Variants in DOK6 observed in about 807,000 individuals in gnomAD.
The protein encoded by DOK6 is downstream of tyrosine kinase 6.
In DOK6, 22 loss-of-function variants were observed where a neutral mutation model predicts 44.0. The observed-to-expected ratio is 0.50, with a 90% CI of 0.36 to 0.71. The LOEUF (loss-of-function observed/expected upper bound fraction) is 0.71, where lower values mean the gene tolerates loss of function less well. Ranked by LOEUF, DOK6 falls within the 30% of genes least tolerant of loss-of-function variation. DOK6 has a pLI of 0.00. For synonymous variants in DOK6, 166 were observed against 145.5 expected, an observed-to-expected ratio of 1.14 and a Z score of -1.01; for missense variants, 340 against 416.4, an observed-to-expected ratio of 0.82 and a Z score of 1.60.
intron 2 of DOK6, among the ~76,000 whole-genome samples, chr18:69,593,635 G>C (rs12327210): frequency 0.011 from 1,652 of 152,116 alleles, 18 homozygotes; most frequent in African/African-American, 0.038. Flanking sequence ...ATATCCTAAG[G>C]CTCTGAAATT....
intron 1 of DOK6, among the ~76,000 whole-genome samples, chr18:69,458,354 G>C (rs1038597293): frequency 6.6e-6 from 1 of 152,144 alleles, no homozygotes; most frequent in Admixed American, 6.5e-5. Context: ...ATCCTTTCAT[G>C]ATAATAGTCC....
Position 69,509,495 on chromosome 18 carries a change from G to A in DOK6, c.67-54992G>A, listed in dbSNP as rs567283317. On this transcript the variant is annotated intron_variant, in intron 1 of 7. Coordinates refer to ENST00000382713, the MANE Select transcript of DOK6 (RefSeq NM_152721.6). ...TACTAAAAAATAGAAAAAATTAGCC[G>A]GGCGTGGTGGCGGGCGCCTTTAGTC... Among the ~76,000 whole-genome samples, 163 of 151,958 alleles carry A rather than the reference G, an allele frequency of 1.1e-3. 1 individual carries two copies. The highest frequency in any genetic ancestry group is 4.9e-3 in the Admixed American group (75 of 15,256).
chr18:69,819,247 A>G (rs1256286777), intron 7 of DOK6, among the ~76,000 whole-genome samples: 2 of 152,164 alleles, frequency 1.3e-5, no homozygotes, highest in Non-Finnish European at 2.9e-5. Flanking sequence ...CTCTTTTAGC[A>G]TGTATTTCTC....
At chr18:69,410,517 T>C (rs561200429) in intron 1 of DOK6, among the ~76,000 whole-genome samples, 1 of 152,248 alleles carries the variant, frequency 6.6e-6, no homozygotes, top group African/African-American at 2.4e-5. Flanking sequence ...ATTAAATCCT[T>C]TATGTAACAC....
chr18:69,439,331 G>A (rs571892615), intron 1 of DOK6, among the ~76,000 whole-genome samples: 63 of 152,252 alleles, frequency 4.1e-4, no homozygotes, highest in African/African-American at 1.4e-3. Context: ...AATGGTAAAT[G>A]AGCATTGGCT....
intron 3 of DOK6, among the ~76,000 whole-genome samples, chr18:69,614,918 T>C (rs1984249502): frequency 6.6e-6 from 1 of 152,092 alleles, no homozygotes; most frequent in South Asian, 2.1e-4. Context: ...TGTAGATTAT[T>C]AAAGATTGGA....
At chr18:69,474,743 T>C (rs1980214422) in intron 1 of DOK6, among the ~76,000 whole-genome samples, 1 of 152,194 alleles carries the variant, frequency 6.6e-6, no homozygotes, top group African/African-American at 2.4e-5. Flanking sequence ...CAGTGCAAAA[T>C]TTAACAATCA....
chr18:69,511,715 T>C (rs970783368), intron 1 of DOK6, among the ~76,000 whole-genome samples: 1 of 152,248 alleles, frequency 6.6e-6, no homozygotes, highest in African/African-American at 2.4e-5. Context: ...AAATTTATAA[T>C]TAGCAATGTG....
chr18:69,693,481 T>A (rs569163919), intron 4 of DOK6, among the ~76,000 whole-genome samples: 52 of 152,250 alleles, frequency 3.4e-4, no homozygotes, highest in South Asian at 2.9e-3. Context: ...AAGCCTCTTT[T>A]TATATATATA....
At chr18:69,789,062 T>A (rs943813743) in intron 7 of DOK6, among the ~76,000 whole-genome samples, 3 of 152,230 alleles carry the variant, frequency 2.0e-5, no homozygotes, top group Admixed American at 2.0e-4. Context: ...TTGTTATTAC[T>A]TTTTAAGAAA....
chr18:69,712,825 C>T (rs951215677), intron 5 of DOK6, among the ~76,000 whole-genome samples: 6 of 152,070 alleles, frequency 3.9e-5, no homozygotes, highest in South Asian at 2.1e-4. Context: ...CCAGCCTGGG[C>T]GACAGAGTGA....
chr18:69,734,079 T>C (rs1319110902), intron 5 of DOK6, among the ~76,000 whole-genome samples: 1 of 148,442 alleles, frequency 6.7e-6, no homozygotes, highest in Non-Finnish European at 1.5e-5. Context: ...TATTTTCTTG[T>C]AGTGCTTTTT....
At chr18:69,493,313 A>T (rs1980791727) in intron 1 of DOK6, among the ~76,000 whole-genome samples, 1 of 152,182 alleles carries the variant, frequency 6.6e-6, no homozygotes. Flanking sequence ...CAGGCAGTAA[A>T]CACAGCCTGT....
At chr18:69,688,554 G>A (rs771698016) in intron 4 of DOK6, among the ~76,000 whole-genome samples, 3 of 152,244 alleles carry the variant, frequency 2.0e-5, no homozygotes, top group South Asian at 2.1e-4. Context: ...TCAGAGTCTC[G>A]CTCTATTGCC....
intron 7 of DOK6, among the ~76,000 whole-genome samples, chr18:69,784,840 C>G (rs1157976240): frequency 6.6e-6 from 1 of 152,096 alleles, no homozygotes; most frequent in East Asian, 1.9e-4. Flanking sequence ...GATCATTAAC[C>G]TTATAGAAAT....
chr18:69,411,105 C>T (rs951075855), intron 1 of DOK6, among the ~76,000 whole-genome samples: 2 of 152,034 alleles, frequency 1.3e-5, no homozygotes, highest in African/African-American at 4.8e-5. Flanking sequence ...ATAGTAGGTA[C>T]CCTTGTGGTT....
At chr18:69,454,996 A>C (rs1302033756) in intron 1 of DOK6, among the ~76,000 whole-genome samples, 1 of 148,798 alleles carries the variant, frequency 6.7e-6, no homozygotes, top group Non-Finnish European at 1.5e-5. Context: ...CCAGCATGGC[A>C]CATGTATACA....
In DOK6 at chr18:69,842,894, G is replaced by GT. The variant is rs966693894; in HGVS notation, c.*1521dup. The GT allele has an allele frequency of 1.9e-4, 28 of 149,542 alleles. No homozygotes were observed. Among genetic ancestry groups the GT allele is most frequent in the Admixed American group, 5.3e-4 (8 of 15,014 alleles). 9.3% of individuals were successfully genotyped at this position (149,542 alleles called of 1,614,324 possible). ...CAGGTCACGCAAGATGAAAACCCAG[G>GT]TTTTTTTTTTCTTAATAGGAAAATT... On this transcript the variant is annotated 3_prime_UTR_variant, in exon 8 of 8. Coordinates refer to ENST00000382713, the MANE Select transcript of DOK6 (RefSeq NM_152721.6).
intron 1 of DOK6, among the ~76,000 whole-genome samples, chr18:69,469,309 A>C (rs1371160998): frequency 6.6e-6 from 1 of 152,206 alleles, no homozygotes; most frequent in East Asian, 1.9e-4. Context: ...TACAAGTTTA[A>C]ATAAGAATGC....
Sources: gnomAD v4.1 joint callset for allele counts (sites outside exome capture counted in the v4.1 genomes callset) on GRCh38, gnomAD v4.1.1 for gene constraint, MANE v1.5 for transcripts, NCBI Gene and HGNC (gene_info 2026-07-23, HGNC 2026-07-21) for gene names.